The following NSUN7 variants were observed in gnomAD, a reference collection of about 807,000 sequenced individuals.
The protein encoded by NSUN7 is protein NSUN7.
NSUN7 carries 39 observed loss-of-function variants against 58.5 expected under a neutral mutation model. The observed-to-expected ratio is 0.67, with a 90% CI of 0.52 to 0.87. The LOEUF (loss-of-function observed/expected upper bound fraction) is 0.87. Among genes scored for constraint, NSUN7 ranks in the 40% least tolerant of loss-of-function variants. The pLI, the probability that NSUN7 is intolerant of heterozygous loss-of-function variation, is 0.00. For synonymous variants in NSUN7, 278 were observed against 303.7 expected, an observed-to-expected ratio of 0.92 and a Z score of 0.88; for missense variants, 765 against 844.1, an observed-to-expected ratio of 0.91 and a Z score of 1.16.
chr4:40,766,679 C>G (rs1431424265), intron 4 of NSUN7, among the ~76,000 whole-genome samples: 1 of 152,160 alleles, frequency 6.6e-6, no homozygotes, highest in Non-Finnish European at 1.5e-5. Flanking sequence ...CCTTGTACCT[C>G]TGGTAGAATT....
intron 11 of NSUN7, among the ~76,000 whole-genome samples, chr4:40,807,680 C>T (rs547564343): frequency 6.6e-6 from 1 of 152,196 alleles, no homozygotes; most frequent in Non-Finnish European, 1.5e-5. Flanking sequence ...GAGTGTTCCT[C>T]TTCTGCCTGG....
chr4:40,780,066 C>T (rs542128878), intron 7 of NSUN7, among the ~76,000 whole-genome samples: 30 of 152,136 alleles, frequency 2.0e-4, no homozygotes, highest in African/African-American at 5.5e-4. Flanking sequence ...GGATCACCTG[C>T]GGCCAGGAGT....
chr4:40,785,454 G>A (rs1344655161), intron 7 of NSUN7, among the ~76,000 whole-genome samples: 1 of 152,138 alleles, frequency 6.6e-6, no homozygotes, highest in East Asian at 1.9e-4. Flanking sequence ...CCGCCTCCCA[G>A]GTTCAAGTGA....
chr4:40,794,511 A>C (rs373550178), intron 9 of NSUN7, 35 bp downstream of exon 9: 89 of 1,258,260 alleles, frequency 7.1e-5, no homozygotes, highest in Non-Finnish European at 9.4e-5. Context: ...TGTTAAAATA[A>C]GGTGTACATT....
chr4:40,759,859 G>T (rs527556906), intron 2 of NSUN7, among the ~76,000 whole-genome samples: 22 of 152,256 alleles, frequency 1.4e-4, no homozygotes, highest in Non-Finnish European at 3.2e-4. Flanking sequence ...TGGCCAACAG[G>T]GTGAAACCCC....
chr4:40,766,779 A>C (rs1741752417), intron 4 of NSUN7, among the ~76,000 whole-genome samples: 2 of 151,594 alleles, frequency 1.3e-5, no homozygotes, highest in Admixed American at 6.6e-5. Flanking sequence ...TGGTCTATTC[A>C]GAGATTCAAC....
At chr4:40,765,108 G>A (rs1171999695) in intron 4 of NSUN7, among the ~76,000 whole-genome samples, 2 of 140,150 alleles carry the variant, frequency 1.4e-5, no homozygotes, top group Non-Finnish European at 3.1e-5. Context: ...GTCAATTTTG[G>A]CTTTTGTTGC....
chr4:40,774,659 T>C (rs1742178359), intron 5 of NSUN7, 108 bp from the exon 6 acceptor site: 1 of 753,790 alleles, frequency 1.3e-6, no homozygotes, highest in Admixed American at 2.7e-5. Context: ...CCATTAGATG[T>C]AATGTATGAA....
chr4:40,773,763 C>CA (rs1473719408), intron 4 of NSUN7, among the ~76,000 whole-genome samples: 1 of 151,982 alleles, frequency 6.6e-6, no homozygotes, highest in Non-Finnish European at 1.5e-5. Context: ...ACAGGGGCAG[C>CA]AAAAACAGAA....
chr4:40,796,464 A>C (rs1298323000), intron 9 of NSUN7, among the ~76,000 whole-genome samples: 2 of 151,934 alleles, frequency 1.3e-5, no homozygotes, highest in Non-Finnish European at 2.9e-5. Context: ...ACATAGTGAG[A>C]CCCTGCCTCT....
chr4:40,770,211 A>C (rs1157017617), intron 4 of NSUN7, among the ~76,000 whole-genome samples: 1 of 6,926 alleles, frequency 1.4e-4, no homozygotes, highest in East Asian at 8.6e-4. Context: ...ACTCCATCTC[A>C]AAAAAAAAAA....
At chr4:40,795,312 A>G (rs1340313108) in intron 9 of NSUN7, among the ~76,000 whole-genome samples, 1 of 152,222 alleles carries the variant, frequency 6.6e-6, no homozygotes, top group Non-Finnish European at 1.5e-5. Context: ...TGCCAGGAGT[A>G]AAAGCAAAAA....
intron 10 of NSUN7, among the ~76,000 whole-genome samples, chr4:40,800,512 G>A (rs560297187): frequency 6.6e-6 from 1 of 152,010 alleles, no homozygotes; most frequent in Non-Finnish European, 1.5e-5. Flanking sequence ...GCTAATTTTT[G>A]TATTTTTAAT....
intron 7 of NSUN7, among the ~76,000 whole-genome samples, chr4:40,778,493 G>A (rs550118362): frequency 1.1e-3 from 170 of 152,314 alleles, no homozygotes; most frequent in African/African-American, 3.8e-3. Flanking sequence ...GATTAGTGCC[G>A]TTACGAAGGG....
chr4:40,809,249 T>G lies in NSUN7; in HGVS notation c.*310T>G. 2 of 229,680 alleles carry G rather than the reference T, an allele frequency of 8.7e-6. No individual in the cohort carries two copies. Among genetic ancestry groups the G allele is most frequent in the Non-Finnish European group, 1.7e-5 (2 of 118,206 alleles). The allele number at this position is 229,680 out of a possible 1,614,324, so 14.2% of individuals were successfully genotyped here. A position where few individuals can be genotyped will look rare whatever the true frequency, so the allele number is the denominator to read the frequency against. ...CAGGCTGGACTTAAAGCTGCCAAGT[T>G]TCCCCTGCAGGGAAGGAAACACTGC... On this transcript the variant is annotated 3_prime_UTR_variant, in exon 12 of 12. Transcript: ENST00000381782.
chr4:40,776,085 G>T lies in NSUN7; in HGVS notation c.862G>T (p.Ala288Ser). The T allele has an allele frequency of 6.2e-7, 1 of 1,609,088 alleles. No homozygotes were observed. Among genetic ancestry groups the T allele is most frequent in the Non-Finnish European group, 8.5e-7 (1 of 1,177,302 alleles). ...SRSLAVHSVK[A>S]LLNMDDDVLM... ...AAGTCTTGCTGTCCATTCTGTAAAG[G>T]CTTTATTAAATATGGATGATGATGT... Residue 288 changes from alanine to serine, a missense_variant, in exon 7 of 12, where the codon GCT becomes TCT. Transcript: ENST00000381782.
chr4:40,808,543 A>G lies in NSUN7; in HGVS notation c.1761A>G (p.Pro587=). The G allele has an allele frequency of 1.3e-5, 20 of 1,551,668 alleles. No homozygotes were observed. Among genetic ancestry groups the G allele is most frequent in the Non-Finnish European group, 1.7e-5 (20 of 1,147,012 alleles). ...SANLSETVTK[P]PLPQKNTAQV... ...ATCTATCAGAGACTGTAACAAAACC[A>G]CCTCTTCCCCAGAAAAATACTGCTC... Residue 587 remains proline, a synonymous_variant, in exon 12 of 12, where the codon CCA becomes CCG. Transcript: ENST00000381782.
At chr4:40,801,565 G>T (rs546028688) in intron 10 of NSUN7, among the ~76,000 whole-genome samples, 227 of 151,978 alleles carry the variant, frequency 1.5e-3, no homozygotes, top group African/African-American at 5.3e-3. Context: ...TTTTCAGATT[G>T]TTTATCTTTT....
chr4:40,769,984 T>C (rs1030508406), intron 4 of NSUN7, among the ~76,000 whole-genome samples: 26 of 151,068 alleles, frequency 1.7e-4, no homozygotes, highest in African/African-American at 6.3e-4. Context: ...CCGAGGCGGG[T>C]GGATCTCCTG....
Sources: gnomAD v4.1 joint callset for allele counts (sites outside exome capture counted in the v4.1 genomes callset) on GRCh38, gnomAD v4.1.1 for gene constraint, MANE v1.5 for transcripts, NCBI Gene and HGNC (gene_info 2026-07-23, HGNC 2026-07-21) for gene names.